The following SLA variants were observed in gnomAD, a reference collection of about 807,000 sequenced individuals.
SLA encodes the protein Src like adaptor.
Under a neutral mutation model 30.3 loss-of-function variants are expected in SLA, and 16 were observed. The observed-to-expected ratio is 0.53, with a 90% CI of 0.36 to 0.80. SLA has a LOEUF of 0.80. Ranked by LOEUF, SLA falls within the 30% of genes least tolerant of loss-of-function variation. The pLI is 0.01. For synonymous variants in SLA, 143 were observed against 137.8 expected, an observed-to-expected ratio of 1.04 and a Z score of -0.26; for missense variants, 310 against 345.2, an observed-to-expected ratio of 0.90 and a Z score of 0.81.
chr8:133,060,496 G>A, intron 2 of SLA: 1 of 812,840 alleles, frequency 1.2e-6, no homozygotes, highest in Non-Finnish European at 1.8e-6. Flanking sequence ...AGCCACAGCA[G>A]GGTTTGTGTG....
intron 1 of SLA, among the ~76,000 whole-genome samples, chr8:133,093,177 T>TA (rs1310374088): frequency 6.6e-6 from 1 of 151,900 alleles, no homozygotes; most frequent in Non-Finnish European, 1.5e-5. Flanking sequence ...CAATGGTTCT[T>TA]AAAAAAAGCT....
chr8:133,038,906 C>T (rs868055490), intron 8 of SLA, among the ~76,000 whole-genome samples, 169 bp from the exon 9 acceptor site: 10 of 152,216 alleles, frequency 6.6e-5, no homozygotes, highest in Admixed American at 6.5e-5. Context: ...AAGATGGAGT[C>T]TCGCTCTGTT....
At chr8:133,097,818 C>A (rs550444722) in intron 1 of SLA, among the ~76,000 whole-genome samples, 35 of 151,988 alleles carry the variant, frequency 2.3e-4, no homozygotes, top group East Asian at 5.8e-4. Flanking sequence ...TTTATGTGTG[C>A]GTGTGTATGT....
intron 3 of SLA, chr8:133,059,128 C>A (rs1051932389): frequency 2.2e-6 from 1 of 456,330 alleles, no homozygotes; most frequent in Non-Finnish European, 4.4e-6. Context: ...GGGCAGCCAT[C>A]TGCGCCAGTG....
rs147818005 is a variant in SLA at position 133,085,717 on chromosome 8, T to G, written c.-318-10587A>C. Among the ~76,000 whole-genome samples the G allele has an allele frequency of 4.5e-3, 692 of 152,340 alleles. 9 individuals are homozygous for G. Among genetic ancestry groups the G allele is most frequent in the African/African-American group, 0.016 (664 of 41,572 alleles). On this transcript the variant is annotated intron_variant, in intron 1 of 8. Coordinates refer to ENST00000338087, the MANE Select transcript of SLA (RefSeq NM_001045556.3). ...TAATAACAATTTTTAAAAACCAGAT[T>G]GTAAGCATTACTGAAGATATGAAGA...
intron 7 of SLA, among the ~76,000 whole-genome samples, chr8:133,042,681 T>TTTTTTC (rs1838511707): frequency 2.5e-5 from 2 of 81,334 alleles, no homozygotes; most frequent in African/African-American, 5.1e-5. Context: ...TCTGTGTCTT[T>TTTTTTC]TTTTTTTTTT....
intron 1 of SLA, among the ~76,000 whole-genome samples, chr8:133,081,770 C>T (rs576745888): frequency 3.4e-4 from 52 of 152,282 alleles, no homozygotes; most frequent in African/African-American, 1.2e-3. Context: ...CAGCAGTGTT[C>T]CCAGAGGTTG....
At chr8:133,075,207 T>C in intron 1 of SLA, 77 bp from the exon 2 acceptor site, 1 of 804,680 alleles carries the variant, frequency 1.2e-6, no homozygotes, top group Non-Finnish European at 1.5e-6. Context: ...GATTCTGGAA[T>C]TTCAGAAGCT....
intron 7 of SLA, among the ~76,000 whole-genome samples, chr8:133,043,900 C>T (rs1838794642): frequency 6.6e-6 from 1 of 152,212 alleles, no homozygotes; most frequent in Non-Finnish European, 1.5e-5. Context: ...TCTTTCCTCC[C>T]TCCAATATGC....
chr8:133,067,825 G>A (rs138853367), intron 2 of SLA, among the ~76,000 whole-genome samples: 2 of 147,912 alleles, frequency 1.4e-5, no homozygotes, highest in Admixed American at 6.8e-5. Context: ...AGGAAGGAAG[G>A]GGGAGAGAGA....
intron 7 of SLA, among the ~76,000 whole-genome samples, chr8:133,044,765 G>C (rs561548047): frequency 1.3e-4 from 20 of 152,240 alleles, no homozygotes; most frequent in Non-Finnish European, 2.5e-4. Flanking sequence ...TTCGAGAGAG[G>C]GCAAATTTGA....
intron 1 of SLA, among the ~76,000 whole-genome samples, chr8:133,075,427 G>T (rs555055542): frequency 6.6e-6 from 1 of 152,284 alleles, no homozygotes; most frequent in South Asian, 2.1e-4. Flanking sequence ...GAGACACAAT[G>T]ACTTGGTGCC....
intron 1 of SLA, among the ~76,000 whole-genome samples, chr8:133,093,459 TTGTC>T (rs1196187617): frequency 6.6e-6 from 1 of 152,166 alleles, no homozygotes; most frequent in Admixed American, 6.5e-5. Context: ...GACTCGGAGT[TTGTC>T]TAAGCGGTTA....
intron 2 of SLA, among the ~76,000 whole-genome samples, chr8:133,070,768 T>C (rs1265477768): frequency 6.6e-6 from 1 of 152,180 alleles, no homozygotes; most frequent in Non-Finnish European, 1.5e-5. Flanking sequence ...CAGAGGAGAA[T>C]GCACACAGGC....
Position 133,045,040 on chromosome 8 carries a change from T to C in SLA, c.428A>G (p.Tyr143Cys), listed in dbSNP as rs138156935. ...RIFRLPNNWY[Y>C]ISPRLTFQCL... The stretch of plus-strand genomic sequence containing the variant: ...CTGGAAGGTGAGCCTCGGGGAAATG[T>C]AGTACCAGTTGTTGGGCAGACGGAA... The change falls in exon 7 of 9, where the codon TAC becomes TGC. Residue 143 changes from tyrosine (Y) to cysteine (C), a missense_variant. Transcript: ENST00000338087. The C allele has an allele frequency of 4.9e-5, 79 of 1,614,152 alleles. No individual in the cohort carries two copies. Among genetic ancestry groups the C allele is most frequent in the Non-Finnish European group, 6.1e-5 (72 of 1,179,988 alleles).
chr8:133,095,535 G>A (rs1041534068), intron 1 of SLA, among the ~76,000 whole-genome samples: 5 of 152,218 alleles, frequency 3.3e-5, no homozygotes, highest in African/African-American at 7.2e-5. Context: ...CTCCAGGACC[G>A]TGGTGGGCAG....
chr8:133,066,283 G>A (rs1047306731), intron 2 of SLA, among the ~76,000 whole-genome samples: 11 of 132,544 alleles, frequency 8.3e-5, no homozygotes, highest in Middle Eastern at 4.8e-3. Context: ...CTGAGATCTC[G>A]CCACTGCACT....
At chr8:133,078,703 T>C (rs1845276698) in intron 1 of SLA, among the ~76,000 whole-genome samples, 1 of 152,210 alleles carries the variant, frequency 6.6e-6, no homozygotes, top group African/African-American at 2.4e-5. Flanking sequence ...ACACTCTTTT[T>C]TCTCTGTTTT....
At chr8:133,040,182 G>A (rs1428319094) in intron 7 of SLA, 52 bp from the exon 8 acceptor site, 3 of 1,551,766 alleles carry the variant, frequency 1.9e-6, no homozygotes, top group South Asian at 2.4e-5. Flanking sequence ...GCCTCAGCCA[G>A]TGTGGGGTTC....
Sources: allele counts gnomAD v4.1 joint callset (sites outside exome capture counted in the v4.1 genomes callset), GRCh38; gene constraint gnomAD v4.1.1; transcripts MANE v1.5; gene names NCBI Gene and HGNC (gene_info 2026-07-23, HGNC 2026-07-21).